L3MBTL2: variants seen among roughly 807,000 people sequenced by gnomAD.
The protein encoded by L3MBTL2 is L3MBTL histone methyl-lysine binding protein 2.
Under a neutral mutation model 86.4 loss-of-function variants are expected in L3MBTL2, and 49 were observed. The ratio of observed to expected loss-of-function variants is 0.57; its 90% CI spans 0.45 to 0.72. L3MBTL2 has a LOEUF of 0.72. Ranked by LOEUF, L3MBTL2 falls within the 30% of genes least tolerant of loss-of-function variation. The pLI, the probability that L3MBTL2 is intolerant of heterozygous loss-of-function variation, is 0.00. For synonymous variants in L3MBTL2, 336 were observed against 350.6 expected, an observed-to-expected ratio of 0.96 and a Z score of 0.47; for missense variants, 755 against 923.7, an observed-to-expected ratio of 0.82 and a Z score of 2.37.
intron 16 of L3MBTL2, 196 bp downstream of exon 16, chr22:41,229,852 C>T: frequency 1.1e-6 from 1 of 932,398 alleles, no homozygotes. Flanking sequence ...CTGAGTCCCC[C>T]TCTAGCCCGG....
rs1323490311 is a variant in L3MBTL2, at chr22:41,230,523, A to C, written c.*272A>C. The C allele has an allele frequency of 4.6e-6, 2 of 437,446 alleles. No homozygotes were observed. Among genetic ancestry groups the C allele is most frequent in the East Asian group, 8.8e-5 (2 of 22,778 alleles). 27.1% of individuals were successfully genotyped at this position (437,446 alleles called of 1,614,324 possible). ...CCACCTTTTCCAGCCAGAGTTCCCAAAGCTGGAACGCTAGCTGCCTGCTCT... is the reference window on the plus strand; with the variant it reads ...CCACCTTTTCCAGCCAGAGTTCCCACAGCTGGAACGCTAGCTGCCTGCTCT... On this transcript the variant is annotated 3_prime_UTR_variant, in exon 17 of 17. Transcript: ENST00000216237.
At chr22:41,207,453 G>A (rs1249172418) in intron 1 of L3MBTL2, among the ~76,000 whole-genome samples, 2 of 151,590 alleles carry the variant, frequency 1.3e-5, no homozygotes, top group African/African-American at 4.8e-5. Context: ...GAACTCCTAG[G>A]CTCAAGCAAT....
chr22:41,217,563 G>A lies in L3MBTL2; in HGVS notation c.600+361G>A, dbSNP rs183308242. The A allele has an allele frequency of 2.1e-3, 475 of 228,896 alleles. 5 individuals are homozygous for A. The highest frequency in any genetic ancestry group is 0.01 in the South Asian group (189 of 18,500). 14.2% of individuals were successfully genotyped at this position (228,896 alleles called of 1,614,324 possible). Reference sequence around the variant, plus strand: ...TGCTTCTGTAGCTGGCCTGGGCCCCGTGGGCCCCGAGAGGCAGATGTGGAT... The same window carrying A: ...TGCTTCTGTAGCTGGCCTGGGCCCCATGGGCCCCGAGAGGCAGATGTGGAT... On this transcript the variant is annotated intron_variant, in intron 5 of 16. Transcript: ENST00000216237.
Position 41,220,726 on chromosome 22 carries a change from C to G in L3MBTL2, c.719-8C>G. 1 of 1,608,612 alleles carries G rather than the reference C, an allele frequency of 6.2e-7. No individual in the cohort carries two copies. The highest frequency in any genetic ancestry group is 1.7e-5 in the Admixed American group (1 of 59,874). ...CTCCCTCACAGGTGCCCTTTCCTTT[C>G]CTTTCAGGGTATCGGGTGCTGCTTC... On this transcript the variant is annotated splice_region_variant and splice_polypyrimidine_tract_variant and intron_variant, in intron 6 of 16. Transcript: ENST00000216237.
Position 41,225,700 on chromosome 22 carries a change from C to A in L3MBTL2, c.1357-94C>A. On this transcript the variant is annotated intron_variant, in intron 11 of 16. Coordinates refer to ENST00000216237, the MANE Select transcript of L3MBTL2 (RefSeq NM_031488.5). The surrounding 1 kb of genome is among the most constrained non-coding windows in gnomAD (Gnocchi z 4.1). ...GCCATGCCCTAGATCCGTTTGGATCCATTTGCCTCGTGTCCCTATTGGGGT... is the reference window on the plus strand; with the variant it reads ...GCCATGCCCTAGATCCGTTTGGATCAATTTGCCTCGTGTCCCTATTGGGGT... 1 of 1,356,908 alleles carries A rather than the reference C, an allele frequency of 7.4e-7. No homozygotes were observed. Among genetic ancestry groups the A allele is most frequent in the Non-Finnish European group, 1.0e-6 (1 of 987,080 alleles). 84.1% of individuals were successfully genotyped at this position (1,356,908 alleles called of 1,614,324 possible).
chr22:41,229,093 A>T lies in L3MBTL2; in HGVS notation c.1889-447A>T, dbSNP rs529827643. On this transcript the variant is annotated intron_variant, in intron 15 of 16. Transcript: ENST00000216237. ...GGCAACATAGCGAGACCCCTAATTT[A>T]AAAAAAATTTTTAATTAGCTGGGTA... Among the ~76,000 whole-genome samples the T allele has an allele frequency of 5.9e-5, 9 of 152,046 alleles. No individual in the cohort carries two copies. In the East Asian group the frequency reaches 1.4e-3, roughly 23 times the overall value.
At chr22:41,217,314 G>A in intron 5 of L3MBTL2, 112 bp downstream of exon 5, 1 of 747,546 alleles carries the variant, frequency 1.3e-6, no homozygotes, top group Non-Finnish European at 2.3e-6. Context: ...GGGAGGTCTG[G>A]GCAGGAGACG....
chr22:41,215,336 G>C (rs900662449), intron 3 of L3MBTL2, among the ~76,000 whole-genome samples: 1 of 152,102 alleles, frequency 6.6e-6, no homozygotes, highest in Non-Finnish European at 1.5e-5. Flanking sequence ...GACATTCTCA[G>C]TCCAATTAAC....
At chr22:41,217,562 C>A in intron 5 of L3MBTL2, 1 of 222,074 alleles carries the variant, frequency 4.5e-6, no homozygotes, top group Non-Finnish European at 9.1e-6. Context: ...GCCTGGGCCC[C>A]GTGGGCCCCG....
At chr22:41,217,474 T>C (rs1032469638) in intron 5 of L3MBTL2, 8 of 420,418 alleles carry the variant, frequency 1.9e-5, no homozygotes, top group African/African-American at 1.4e-4. Context: ...CGAAGGGTCT[T>C]TGCAGTCTGA....
chr22:41,227,423 T>G lies in L3MBTL2; in HGVS notation c.1822+100T>G, dbSNP rs577563637. ...CCCATCTCCGTTCTTTGGCATGAGG[T>G]GGAGATGTCTCATGGACCACTTTAA... On this transcript the variant is annotated intron_variant, in intron 14 of 16. Transcript: ENST00000216237. The surrounding 1 kb of genome is among the most constrained non-coding windows in gnomAD (Gnocchi z 6.0). 1.7e-4 allele frequency: 210 copies of G among 1,271,926 alleles called. No individual in the cohort carries two copies. In the African/African-American group the frequency reaches 2.9e-3, roughly 17 times the overall value. 78.8% of individuals were successfully genotyped at this position (1,271,926 alleles called of 1,614,324 possible). A position where few individuals can be genotyped will look rare whatever the true frequency, so the allele number is the denominator to read the frequency against.
intron 15 of L3MBTL2, 139 bp from the exon 16 acceptor site, chr22:41,229,401 A>G: frequency 1.8e-5 from 15 of 840,914 alleles, no homozygotes; most frequent in Non-Finnish European, 2.7e-5. Flanking sequence ...GTGTTGTCAG[A>G]GTTGGAGTCC....
chr22:41,217,856 C>T, intron 5 of L3MBTL2: 1 of 152,392 alleles, frequency 6.6e-6, no homozygotes, highest in East Asian at 1.9e-4. Context: ...TAAGCCACTT[C>T]CTCTCCTCCT....
At chr22:41,221,732 A>C (rs2031835598) in intron 8 of L3MBTL2, among the ~76,000 whole-genome samples, 1 of 149,948 alleles carries the variant, frequency 6.7e-6, no homozygotes, top group African/African-American at 2.5e-5. Context: ...TCAGCCTCCC[A>C]AGTAGCTGGG....
At chr22:41,208,876 G>C (rs891840436) in intron 1 of L3MBTL2, among the ~76,000 whole-genome samples, 1 of 151,972 alleles carries the variant, frequency 6.6e-6, no homozygotes, top group African/African-American at 2.4e-5. Flanking sequence ...CCAAGTACCT[G>C]GGATTACAGG....
At position 41,205,333 on chromosome 22, in the gene L3MBTL2, C is replaced by T. The variant is rs1214860331; in HGVS notation, c.-30C>T. On this transcript the variant is annotated 5_prime_UTR_variant, in exon 1 of 17. Transcript: ENST00000216237. Reference sequence around the variant, plus strand: ...GGGCAGGCCAATATGGCTTCCTGCACCTGGTGACGCTTGGCGAAACTGAGG... The same window carrying T: ...GGGCAGGCCAATATGGCTTCCTGCATCTGGTGACGCTTGGCGAAACTGAGG... The T allele has an allele frequency of 1.2e-6, 2 of 1,613,938 alleles. No individual in the cohort carries two copies. The highest frequency in any genetic ancestry group is 2.2e-5 in the South Asian group (2 of 91,090).
At chr22:41,206,527 G>A (rs1223941121) in intron 1 of L3MBTL2, among the ~76,000 whole-genome samples, 11 of 152,048 alleles carry the variant, frequency 7.2e-5, no homozygotes, top group South Asian at 4.2e-4. Context: ...TGCTGGGTGC[G>A]GTGGCTCACG....
rs1190787796 is a variant in L3MBTL2 at position 41,227,864 on chromosome 22, A to G, written c.1883A>G (p.Lys628Arg). ...AAGAAGAAAAAGAAACAGTTTGGGA[A>G]GAAAAGTAAGTGCTGCACCGGTGCA... is the stretch of plus-strand genomic sequence containing the variant. The part of the protein sequence containing the change: ...ATKKKKKQFG[K>R]KRKRIPPTKT... Residue 628 changes from lysine (K) to arginine (R), a missense_variant, in exon 15 of 17, where the codon AAG becomes AGG. Physicochemically the swap from Lys to Arg is conservative, Grantham distance 26. Around this residue, in one of 3 missense-constraint regions of L3MBTL2, gnomAD observed 634 missense variants for 748.9 expected, o/e 0.85. Transcript: ENST00000216237. The surrounding 1 kb of genome is among the most constrained non-coding windows in gnomAD (Gnocchi z 6.0). The G allele has an allele frequency of 6.2e-7, 1 of 1,612,592 alleles. No individual in the cohort carries two copies.
chr22:41,209,396 C>T (rs1390492742), intron 1 of L3MBTL2: 6 of 275,786 alleles, frequency 2.2e-5, no homozygotes, highest in Admixed American at 4.6e-5. Flanking sequence ...CATGAGCCAC[C>T]GCACCTGGCC....
Sources: allele counts gnomAD v4.1 joint callset (sites outside exome capture counted in the v4.1 genomes callset), GRCh38; gene constraint gnomAD v4.1.1; regional missense constraint gnomAD v4.1.1; non-coding constraint Gnocchi (gnomAD v3.1); transcripts MANE v1.5; gene names NCBI Gene and HGNC (gene_info 2026-07-23, HGNC 2026-07-21).